The following VPS13B variants were observed in gnomAD, a reference collection of about 807,000 sequenced individuals.
VPS13B encodes the protein intermembrane lipid transfer protein VPS13B.
In VPS13B, 285 loss-of-function variants were observed where a neutral mutation model predicts 426.4. The ratio of observed to expected loss-of-function variants is 0.67; its 90% CI spans 0.61 to 0.74. The LOEUF is 0.74. Among genes scored for constraint, VPS13B ranks in the 30% least tolerant of loss-of-function variants. The pLI is 0.00. For missense variants in VPS13B, 4,537 were observed against 4,782.6 expected (o/e 0.95, Z 1.51); for synonymous variants, 1,676 against 1,676.4 (o/e 1.00, Z 0.01).
intron 39 of VPS13B, among the ~76,000 whole-genome samples, chr8:99,728,812 A>C (rs1410131406): frequency 1.3e-5 from 2 of 152,222 alleles, no homozygotes; most frequent in African/African-American, 4.8e-5. Flanking sequence ...ATCAAGATAC[A>C]GTGGGCAGTC....
chr8:99,470,848 A>G (rs568124676), intron 24 of VPS13B, among the ~76,000 whole-genome samples: 156 of 152,216 alleles, frequency 1.0e-3, no homozygotes, highest in African/African-American at 3.6e-3. Context: ...ATTTGGACAC[A>G]TTGTGATTAA....
At chr8:99,140,224 G>A (rs994535783) in intron 12 of VPS13B, among the ~76,000 whole-genome samples, 2 of 151,836 alleles carry the variant, frequency 1.3e-5, no homozygotes, top group African/African-American at 4.8e-5. Flanking sequence ...AATTAGCCGG[G>A]GGTGGTGGCA....
rs527532253 is a variant in VPS13B at position 99,632,156 on chromosome 8, C to G, written c.5221-9655C>G. The stretch of plus-strand genomic sequence containing the variant: ...GTGAATGTGATATTCTAAAATTTAG[C>G]CTTAAAAGACATCCTAATAAGATCA... On this transcript the variant is annotated intron_variant, in intron 33 of 61. Transcript: ENST00000357162. 1.8e-4 allele frequency among the ~76,000 whole-genome samples: 28 copies of G among 151,906 alleles called. 1 individual carries two copies. The East Asian group carries it at 4.8e-3, about 26-fold the overall frequency.
rs551035801 is a variant in VPS13B, at chr8:99,270,116, A to G, written c.2516-4082A>G. Among the ~76,000 whole-genome samples the G allele has an allele frequency of 9.9e-5, 9 of 90,492 alleles. No individual in the cohort carries two copies. The South Asian group carries it at 2.5e-3, about 26-fold the overall frequency. The allele number at this position is 90,492 out of a possible 152,430, so 59.4% of individuals were successfully genotyped here. A position where few individuals can be genotyped will look rare whatever the true frequency, so the allele number is the denominator to read the frequency against. On this transcript the variant is annotated intron_variant, in intron 17 of 61. Transcript: ENST00000357162. ...AAATCAAAGTGCTTTATATAGGTAT[A>G]TAAGATATAAGAATCTTTTTTTTTT...
chr8:99,846,530 C>T lies in VPS13B; in HGVS notation c.9943-2246C>T, dbSNP rs554096820. Among the ~76,000 whole-genome samples, 37 of 152,228 alleles carry T rather than the reference C, an allele frequency of 2.4e-4. No individual in the cohort carries two copies. The South Asian group carries it at 7.7e-3, about 32-fold the overall frequency. ...TCACTCAGGTACCTAACTATCTAAC[C>T]CCTAGAGCTGCCATCATGCAAAAGG... On this transcript the variant is annotated intron_variant, in intron 54 of 61. Coordinates refer to ENST00000357162, the MANE Select transcript of VPS13B (RefSeq NM_152564.5).
In VPS13B at chr8:99,832,341, ATTTTTTTTTTT is replaced by A. The variant is rs370235149; in HGVS notation, c.9331-13_9331-3del. On this transcript the variant is annotated splice_polypyrimidine_tract_variant and intron_variant, in intron 51 of 61. Coordinates refer to ENST00000357162, the MANE Select transcript of VPS13B (RefSeq NM_152564.5). ...TTACTGTAGCTAATGTGCTCTCTGC[ATTTTTTTTTTT>A]TTTTTTTTTTTTTTAGTATTTTCGT... 7 of 1,192,552 alleles carry A rather than the reference ATTTTTTTTTTT, an allele frequency of 5.9e-6. No individual in the cohort carries two copies. Among genetic ancestry groups the A allele is most frequent in the Admixed American group, 7.3e-5 (2 of 27,576 alleles). The allele number at this position is 1,192,552 out of a possible 1,614,324, so 73.9% of individuals were successfully genotyped here.
intron 44 of VPS13B, among the ~76,000 whole-genome samples, chr8:99,812,258 A>G (rs1328222652): frequency 6.6e-6 from 1 of 152,124 alleles, no homozygotes. Context: ...AGGGTAGTTT[A>G]GCGTTCAGAT....
At chr8:99,078,106 G>A (rs73281630) in intron 3 of VPS13B, among the ~76,000 whole-genome samples, 3,537 of 151,512 alleles carry the variant, frequency 0.023, 117 homozygotes, top group African/African-American at 0.076. Flanking sequence ...TATTATTTAT[G>A]TGTTTTCTCC....
chr8:99,052,982 G>A (rs572707132), intron 3 of VPS13B, among the ~76,000 whole-genome samples: 2 of 152,024 alleles, frequency 1.3e-5, no homozygotes, highest in East Asian at 3.9e-4. Context: ...CAAAACACCA[G>A]CTGCTGGATT....
chr8:99,111,544 C>T (rs1847369134), intron 6 of VPS13B, among the ~76,000 whole-genome samples: 1 of 151,566 alleles, frequency 6.6e-6, no homozygotes, highest in South Asian at 2.1e-4. Context: ...GTGTTTCTCT[C>T]TTCAAGTAGA....
chr8:99,873,777 G>C (rs2130984389), intron 61 of VPS13B, among the ~76,000 whole-genome samples: 2 of 152,334 alleles, frequency 1.3e-5, no homozygotes, highest in South Asian at 4.1e-4. Context: ...AGTGGGCAGG[G>C]GAGGGTGGCC....
chr8:99,281,044 T>G (rs747145925), intron 19 of VPS13B, among the ~76,000 whole-genome samples: 55 of 152,204 alleles, frequency 3.6e-4, no homozygotes, highest in Non-Finnish European at 6.8e-4. Context: ...AAGACAATTT[T>G]TCAATAGACT....
chr8:99,015,264 T>G (rs1272965676), intron 2 of VPS13B, among the ~76,000 whole-genome samples: 1 of 148,570 alleles, frequency 6.7e-6, no homozygotes, highest in Non-Finnish European at 1.5e-5. Flanking sequence ...TTGCCCAGGC[T>G]GGAGTGCAGT....
chr8:99,322,895 C>A (rs573420064), intron 19 of VPS13B, among the ~76,000 whole-genome samples: 1 of 152,292 alleles, frequency 6.6e-6, no homozygotes, highest in African/African-American at 2.4e-5. Flanking sequence ...TGTGTGTTAT[C>A]TTCTGCACTC....
intron 17 of VPS13B, among the ~76,000 whole-genome samples, chr8:99,251,044 ATG>A (rs201211200): frequency 1.1e-4 from 16 of 151,692 alleles, no homozygotes; most frequent in East Asian, 9.6e-4. Flanking sequence ...TACTTCTAGA[ATG>A]TGTGTGTGTG....
rs537321001 is a variant in VPS13B at position 99,541,846 on chromosome 8, C to T, written c.4746-14604C>T. Among the ~76,000 whole-genome samples, 68 of 152,116 alleles carry T rather than the reference C, an allele frequency of 4.5e-4. 2 individuals are homozygous for T. The highest frequency in any genetic ancestry group is 6.8e-3 in the Middle Eastern group (2 of 294). On this transcript the variant is annotated intron_variant, in intron 30 of 61. Transcript: ENST00000357162. ...CTGAATGCATGGATAAAATATTATA[C>T]TTGAAGTTCTTATCAGTAATAATAT...
chr8:99,384,137 G>A, intron 19 of VPS13B, 71 bp from the exon 20 acceptor site: 1 of 1,226,144 alleles, frequency 8.2e-7, no homozygotes, highest in Non-Finnish European at 1.2e-6. Flanking sequence ...ATCCTACATG[G>A]TGTAAAGTGA....
At chr8:99,102,666 A>G (rs1402014023) in intron 4 of VPS13B, among the ~76,000 whole-genome samples, 2 of 152,184 alleles carry the variant, frequency 1.3e-5, no homozygotes, top group African/African-American at 4.8e-5. Context: ...ATTGTATGGG[A>G]TCTAATATTA....
At chr8:99,859,581 G>A in intron 57 of VPS13B, 101 bp downstream of exon 57, 2 of 1,469,594 alleles carry the variant, frequency 1.4e-6, no homozygotes, top group Non-Finnish European at 9.2e-7. Context: ...ATTGCCTCTA[G>A]CTTTGTTTGG....
Sources: allele counts gnomAD v4.1 joint callset (sites outside exome capture counted in the v4.1 genomes callset), GRCh38; gene constraint gnomAD v4.1.1; transcripts MANE v1.5; gene names NCBI Gene and HGNC (gene_info 2026-07-23, HGNC 2026-07-21).